The following LOC128462377 variants were observed in gnomAD, a reference collection of about 807,000 sequenced individuals.
the LOC128462377 span, among the ~76,000 whole-genome samples, chr16:89,321,686 A>T: frequency 6.6e-6 from 1 of 152,030 alleles, no homozygotes; most frequent in South Asian, 2.1e-4. Context: ...TGACACAACT[A>T]ATCTTAAAAC....
the LOC128462377 span, among the ~76,000 whole-genome samples, chr16:89,326,054 G>C: frequency 6.6e-6 from 1 of 152,250 alleles, no homozygotes; most frequent in African/African-American, 2.4e-5. Context: ...TGAAGACGAA[G>C]GGGAGGAGGA....
the LOC128462377 span, chr16:89,323,279 G>A: frequency 2.3e-6 from 3 of 1,288,338 alleles, no homozygotes; most frequent in African/African-American, 1.5e-5. Context: ...GGCCTACTGT[G>A]TGCAAAGCCC....
chr16:89,405,562 G>A, the LOC128462377 span, among the ~76,000 whole-genome samples: 19 of 148,574 alleles, frequency 1.3e-4, 1 homozygote, highest in African/African-American at 4.5e-4. Context: ...TCGAACTCCT[G>A]GGTTGCAGCA....
the LOC128462377 span, among the ~76,000 whole-genome samples, chr16:89,387,874 G>A: frequency 1.3e-5 from 2 of 151,296 alleles, no homozygotes; most frequent in African/African-American, 4.9e-5. Flanking sequence ...GCGTGGTGGT[G>A]GGTGGTGGTC....
the LOC128462377 span, among the ~76,000 whole-genome samples, chr16:89,321,397 C>T: frequency 2.2e-5 from 2 of 92,492 alleles, no homozygotes; most frequent in Admixed American, 2.6e-4. Context: ...GGCTGCAGGG[C>T]GGGACTGTGG....
the LOC128462377 span, among the ~76,000 whole-genome samples, chr16:89,372,311 G>A: frequency 6.6e-6 from 1 of 152,232 alleles, no homozygotes; most frequent in Non-Finnish European, 1.5e-5. Context: ...GGCGGCGGCA[G>A]CGCCCAGCGA....
At chr16:89,388,245 AG>A in the LOC128462377 span, among the ~76,000 whole-genome samples, 10 of 149,900 alleles carry the variant, frequency 6.7e-5, no homozygotes, top group Non-Finnish European at 1.5e-4. Flanking sequence ...ACCCTGCTCC[AG>A]GGCCCACGCG....
At chr16:89,416,009 T>C in the LOC128462377 span, among the ~76,000 whole-genome samples, 1 of 151,890 alleles carries the variant, frequency 6.6e-6, no homozygotes, top group Non-Finnish European at 1.5e-5. Context: ...GACCTCATGC[T>C]AAGGGCCTTC....
the LOC128462377 span, among the ~76,000 whole-genome samples, chr16:89,397,770 G>T: frequency 6.6e-6 from 1 of 152,234 alleles, no homozygotes; most frequent in Admixed American, 6.5e-5. Context: ...CTGATTGACA[G>T]GCAAGGGACT....
At chr16:89,370,021 G>A in the LOC128462377 span, among the ~76,000 whole-genome samples, 1 of 152,212 alleles carries the variant, frequency 6.6e-6, no homozygotes. Context: ...GAAGAGCCAG[G>A]CCAAGACCAT....
chr16:89,387,468 C>T, the LOC128462377 span, among the ~76,000 whole-genome samples: 3 of 150,588 alleles, frequency 2.0e-5, no homozygotes, highest in Non-Finnish European at 3.0e-5. Context: ...GTCAGGAGAC[C>T]GAGACCATCC....
the LOC128462377 span, among the ~76,000 whole-genome samples, chr16:89,317,327 G>GAAAGGGAC: frequency 6.6e-6 from 1 of 152,238 alleles, no homozygotes; most frequent in African/African-American, 2.4e-5. Flanking sequence ...TGTAGTGGCA[G>GAAAGGGAC]AAAGGGACGC....
the LOC128462377 span, among the ~76,000 whole-genome samples, chr16:89,333,511 T>C: frequency 1.3e-5 from 2 of 152,266 alleles, no homozygotes; most frequent in Non-Finnish European, 2.9e-5. Flanking sequence ...GTGTTCCTGC[T>C]GCACAACCCT....
At chr16:89,332,456 G>A in the LOC128462377 span, among the ~76,000 whole-genome samples, 115 of 152,258 alleles carry the variant, frequency 7.6e-4, no homozygotes, top group Non-Finnish European at 1.5e-3. Context: ...ACCTGTACCC[G>A]CAGCTCTGGG....
At chr16:89,352,248 A>G in the LOC128462377 span, among the ~76,000 whole-genome samples, 11 of 152,160 alleles carry the variant, frequency 7.2e-5, no homozygotes, top group Admixed American at 1.3e-4. Flanking sequence ...GCTGGACACG[A>G]GACAAGACTT....
chr16:89,337,730 G>A, the LOC128462377 span, among the ~76,000 whole-genome samples: 4 of 152,156 alleles, frequency 2.6e-5, no homozygotes, highest in Admixed American at 6.5e-5. Flanking sequence ...GTAAGCCACT[G>A]TGCCCGGCCT....
the LOC128462377 span, among the ~76,000 whole-genome samples, chr16:89,372,627 T>C: frequency 6.6e-6 from 1 of 152,162 alleles, no homozygotes; most frequent in Non-Finnish European, 1.5e-5. Context: ...AATTAAAAAA[T>C]GTTTAAAGAA....
chr16:89,398,014 C>CA, the LOC128462377 span, among the ~76,000 whole-genome samples: 67 of 152,358 alleles, frequency 4.4e-4, 2 homozygotes, highest in South Asian at 0.013. Flanking sequence ...TCACCAGTGA[C>CA]AATGTAGCAC....
chr16:89,366,129 C>CA, the LOC128462377 span, among the ~76,000 whole-genome samples: 5,003 of 59,882 alleles, frequency 0.084, 244 homozygotes, highest in East Asian at 0.22. Context: ...GACTCCATCT[C>CA]AAAAAAAAAA....
Sources: allele counts gnomAD v4.1 joint callset (sites outside exome capture counted in the v4.1 genomes callset), GRCh38; gene constraint gnomAD v4.1.1; transcripts MANE v1.5.